The following IL19 variants were observed in gnomAD, a reference collection of about 807,000 sequenced individuals.
IL19 encodes interleukin 19.
Under a neutral mutation model 19.5 loss-of-function variants are expected in IL19, and 15 were observed. The ratio of observed to expected loss-of-function variants is 0.77; its 90% CI spans 0.52 to 1.19. The LOEUF is 1.19. Among genes scored for constraint, IL19 ranks in the 50% most tolerant of loss-of-function variants. The pLI, the probability that IL19 is intolerant of heterozygous loss-of-function variation, is 0.00. For missense variants in IL19, 199 were observed against 213.1 expected, an observed-to-expected ratio of 0.93 and a Z score of 0.41; for synonymous variants, 78 against 78.3, an observed-to-expected ratio of 1.00 and a Z score of 0.02.
intron 2 of IL19, among the ~76,000 whole-genome samples, chr1:206,833,336 A>G (rs1211897792): frequency 6.6e-6 from 1 of 152,214 alleles, no homozygotes; most frequent in East Asian, 1.9e-4. Flanking sequence ...ACTTCCTTAT[A>G]CGCTGGCTAA....
At chr1:206,838,691 G>A (rs1676883166) in intron 4 of IL19, among the ~76,000 whole-genome samples, 1 of 151,902 alleles carries the variant, frequency 6.6e-6, no homozygotes, top group Non-Finnish European at 1.5e-5. Flanking sequence ...TAGCTCATGT[G>A]GAATAAGAAA....
chr1:206,798,545 A>AT (rs200934952), intron 1 of IL19, among the ~76,000 whole-genome samples: 2,181 of 150,712 alleles, frequency 0.014, 28 homozygotes, highest in Admixed American at 0.027. Context: ...TTATATACAC[A>AT]TTTTTTTTTC....
At chr1:206,815,255 T>C (rs1378255870) in intron 2 of IL19, among the ~76,000 whole-genome samples, 1 of 152,124 alleles carries the variant, frequency 6.6e-6, no homozygotes, top group Non-Finnish European at 1.5e-5. Flanking sequence ...AGTCTTAATG[T>C]CTGGACCAAA....
At position 206,811,636 on chromosome 1, in the gene IL19, C is replaced by A. The variant is rs1676015062; in HGVS notation, c.-3+12630C>A. Among the ~76,000 whole-genome samples the A allele has an allele frequency of 1.3e-5, 2 of 152,006 alleles. 1 individual carries two copies. Among genetic ancestry groups the A allele is most frequent in the Admixed American group, 1.3e-4 (2 of 15,246 alleles). ...CTCAATGGCCCTGAGCATAAAGTGGCCATAATGTCAGGGATGAGGACTATG... is the reference window on the plus strand; with the variant it reads ...CTCAATGGCCCTGAGCATAAAGTGGACATAATGTCAGGGATGAGGACTATG... On this transcript the variant is annotated intron_variant, in intron 2 of 6. Coordinates refer to ENST00000659997, the MANE Select transcript of IL19 (RefSeq NM_153758.5).
chr1:206,832,621 T>TA (rs1676646424), intron 2 of IL19, among the ~76,000 whole-genome samples: 1 of 152,222 alleles, frequency 6.6e-6, no homozygotes, highest in Admixed American at 6.5e-5. Flanking sequence ...GGAAAAATGA[T>TA]AAACTCCCCA....
chr1:206,792,252 G>T (rs989003811), intron 1 of IL19, among the ~76,000 whole-genome samples: 1 of 152,096 alleles, frequency 6.6e-6, no homozygotes, highest in Middle Eastern at 3.2e-3. Flanking sequence ...CTGAGTCAGG[G>T]GCAGACCTAA....
At chr1:206,775,814 T>C (rs1283771940) in intron 1 of IL19, among the ~76,000 whole-genome samples, 1 of 152,118 alleles carries the variant, frequency 6.6e-6, no homozygotes. Context: ...CAAGAGCCCA[T>C]GAAGAGAGGG....
chr1:206,782,356 T>A (rs6687015), intron 1 of IL19, among the ~76,000 whole-genome samples: 72,345 of 151,818 alleles, frequency 0.48, 18,198 homozygotes, highest in Non-Finnish European at 0.55. Context: ...ATAAGAATTT[T>A]CCCCTGGAAA....
Position 206,771,349 on chromosome 1 carries a change from C to T in IL19, c.-149+271C>T, listed in dbSNP as rs1362396478. 5 of 1,612,694 alleles carry T rather than the reference C, an allele frequency of 3.1e-6. No individual in the cohort carries two copies. In the African/African-American group the frequency reaches 6.7e-5, roughly 22 times the overall value. The stretch of plus-strand genomic sequence containing the variant: ...ACACTCCCCCAGCACCCCGCCCCTG[C>T]TCTCACCTTAAAGTCCTCCAGCAAG... On this transcript the variant is annotated intron_variant, in intron 1 of 6. Transcript: ENST00000659997.
At chr1:206,835,237 G>A (rs776668959) in intron 2 of IL19, among the ~76,000 whole-genome samples, 1 of 152,152 alleles carries the variant, frequency 6.6e-6, no homozygotes, top group African/African-American at 2.4e-5. Context: ...CTTTCTAGAA[G>A]CACCCCAGTA....
intron 1 of IL19, among the ~76,000 whole-genome samples, chr1:206,776,572 T>C (rs567033496): frequency 6.6e-6 from 1 of 152,122 alleles, no homozygotes; most frequent in Admixed American, 6.5e-5. Flanking sequence ...GTTTTCCTGT[T>C]GAGAGCGGGG....
At chr1:206,831,431 T>A (rs1329300827) in intron 2 of IL19, among the ~76,000 whole-genome samples, 1 of 152,194 alleles carries the variant, frequency 6.6e-6, no homozygotes, top group East Asian at 1.9e-4. Flanking sequence ...CATAATTGAA[T>A]TGCAATCCTG....
intron 2 of IL19, chr1:206,833,929 G>A (rs1306252362): frequency 1.1e-5 from 11 of 985,470 alleles, no homozygotes; most frequent in Middle Eastern, 5.2e-4. Flanking sequence ...GAACTGGATC[G>A]TGCTGCAGCC....
chr1:206,826,827 G>A (rs1266134478), intron 2 of IL19, among the ~76,000 whole-genome samples: 1 of 152,174 alleles, frequency 6.6e-6, no homozygotes, highest in African/African-American at 2.4e-5. Flanking sequence ...TTGCTTGGAG[G>A]GAAGAGATGC....
chr1:206,837,046 T>C (rs1342506908), intron 4 of IL19, 23 bp downstream of exon 4: 1 of 1,585,380 alleles, frequency 6.3e-7, no homozygotes, highest in South Asian at 1.1e-5. Context: ...GTCTGCTTTT[T>C]CCAGTATTTT....
intron 2 of IL19, among the ~76,000 whole-genome samples, chr1:206,809,611 A>T (rs1220744992): frequency 2.0e-5 from 3 of 152,218 alleles, no homozygotes; most frequent in Non-Finnish European, 4.4e-5. Flanking sequence ...CCACCAGAAA[A>T]GGTGAATCTG....
intron 1 of IL19, among the ~76,000 whole-genome samples, chr1:206,780,879 A>G (rs542872121): frequency 1.1e-4 from 16 of 152,202 alleles, no homozygotes; most frequent in Non-Finnish European, 2.2e-4. Flanking sequence ...AAGAAGTTGA[A>G]AGTCTGTGAC....
intron 2 of IL19, among the ~76,000 whole-genome samples, chr1:206,804,732 A>G (rs1472513461): frequency 6.6e-6 from 1 of 152,212 alleles, no homozygotes; most frequent in Non-Finnish European, 1.5e-5. Context: ...TGTTTCCTCA[A>G]CTGCTTTCCG....
intron 2 of IL19, among the ~76,000 whole-genome samples, chr1:206,811,990 T>C (rs186763298): frequency 6.6e-6 from 1 of 152,314 alleles, no homozygotes; most frequent in East Asian, 1.9e-4. Flanking sequence ...ACTGCAGCAA[T>C]GGGTTTATGC....
Sources: gnomAD v4.1 joint callset for allele counts (sites outside exome capture counted in the v4.1 genomes callset) on GRCh38, gnomAD v4.1.1 for gene constraint, MANE v1.5 for transcripts, NCBI Gene and HGNC (gene_info 2026-07-23, HGNC 2026-07-21) for gene names.